The following ESRRG variants were observed in gnomAD, a reference collection of about 807,000 sequenced individuals.
The protein encoded by ESRRG is estrogen related receptor gamma, also known as estrogen-related receptor gamma.
Under a neutral mutation model 44.0 loss-of-function variants are expected in ESRRG, and 13 were observed. That is an observed-to-expected ratio of 0.30 (90% CI 0.19 to 0.47). The LOEUF is 0.47. Ranked by LOEUF, ESRRG falls within the 20% of genes least tolerant of loss-of-function variation. The pLI, the probability that ESRRG is intolerant of heterozygous loss-of-function variation, is 1.00. For synonymous variants in ESRRG, 215 were observed against 214.6 expected (o/e 1.00, Z -0.02); for missense variants, 395 against 580.6 (o/e 0.68, Z 3.29).
At chr1:216,966,243 T>C (rs2070340546) in intron 1 of ESRRG, among the ~76,000 whole-genome samples, 1 of 152,190 alleles carries the variant, frequency 6.6e-6, no homozygotes, top group Non-Finnish European at 1.5e-5. Flanking sequence ...AGAAATCTCA[T>C]CTTAAGGGAA....
chr1:216,833,390 A>G (rs926353502), intron 2 of ESRRG, among the ~76,000 whole-genome samples: 2 of 152,198 alleles, frequency 1.3e-5, no homozygotes, highest in African/African-American at 4.8e-5. Flanking sequence ...GGCTGTATGT[A>G]TTGTTACTAG....
chr1:216,983,031 G>GTTTTTTTTTTTTTTT (rs9308379), intron 1 of ESRRG, among the ~76,000 whole-genome samples: 2 of 133,030 alleles, frequency 1.5e-5, no homozygotes, highest in Non-Finnish European at 1.6e-5. Context: ...ACTTTGAACT[G>GTTTTTTTTTTTTTTT]TTTTTTTTTT....
At chr1:216,814,124 A>G (rs926326156) in intron 2 of ESRRG, among the ~76,000 whole-genome samples, 1 of 151,938 alleles carries the variant, frequency 6.6e-6, no homozygotes. Context: ...CATGGGAAAA[A>G]AAAAAATGAT....
chr1:217,068,214 TC>T (rs759123001), intron 1 of ESRRG, among the ~76,000 whole-genome samples: 1 of 152,124 alleles, frequency 6.6e-6, no homozygotes, highest in Non-Finnish European at 1.5e-5. Flanking sequence ...GTGATATGCA[TC>T]CTATGTGAGC....
chr1:216,921,398 C>T (rs2061829879), intron 2 of ESRRG, among the ~76,000 whole-genome samples: 1 of 152,186 alleles, frequency 6.6e-6, no homozygotes, highest in African/African-American at 2.4e-5. Flanking sequence ...ACTGCCAAGA[C>T]TCTGTCTAAA....
chr1:217,114,667 CTTTT>C (rs139701773), intron 1 of ESRRG, among the ~76,000 whole-genome samples: 4 of 107,228 alleles, frequency 3.7e-5, no homozygotes, highest in African/African-American at 3.7e-5. Flanking sequence ...CAAAAGATTT[CTTTT>C]TTTTTTTTTT....
At position 216,677,244 on chromosome 1, in the gene ESRRG, C is replaced by T. The variant is rs1321791080; in HGVS notation, c.304G>A (p.Asp102Asn). ...TCAACAATGGTGCTGGAGCAGTCATCATACAGTTTCCTGACAGGCCCACTA... is the reference window on the plus strand; with the variant it reads ...TCAACAATGGTGCTGGAGCAGTCATTATACAGTTTCCTGACAGGCCCACTA... ...GGSGPVRKLY[D>N]DCSSTIVEDP... The change falls in exon 2 of 7, where the codon GAT becomes AAT. Residue 102 changes from aspartate to asparagine, a missense_variant. This residue lies in a region of ESRRG where 148 missense variants were observed against 150.4 expected (regional missense o/e 0.98). Coordinates refer to ENST00000408911, the MANE Select transcript of ESRRG (RefSeq NM_001438.4). The T allele has an allele frequency of 1.2e-6, 2 of 1,614,158 alleles. No homozygotes were observed. The highest frequency in any genetic ancestry group is 3.3e-5 in the Admixed American group (2 of 60,024).
intron 1 of ESRRG, among the ~76,000 whole-genome samples, chr1:217,013,898 G>A (rs951811733): frequency 6.6e-6 from 1 of 152,068 alleles, no homozygotes; most frequent in Non-Finnish European, 1.5e-5. Context: ...AATATGATTT[G>A]ATGATCATGA....
chr1:216,655,966 A>G (rs867169026), intron 2 of ESRRG, among the ~76,000 whole-genome samples: 1 of 152,304 alleles, frequency 6.6e-6, no homozygotes, highest in South Asian at 2.1e-4. Flanking sequence ...TGCCCCAAGC[A>G]CCTGGGTAAC....
chr1:216,572,498 A>G (rs2060992332), intron 3 of ESRRG, among the ~76,000 whole-genome samples: 1 of 152,134 alleles, frequency 6.6e-6, no homozygotes, highest in Admixed American at 6.5e-5. Context: ...AGATAAAACA[A>G]TACTGTATAG....
intron 1 of ESRRG, among the ~76,000 whole-genome samples, chr1:216,984,046 AAT>A (rs1491582543): frequency 9.3e-6 from 1 of 107,594 alleles, no homozygotes; most frequent in Non-Finnish European, 1.9e-5. Context: ...AGATAATAAG[AAT>A]GGGGGGGGGT....
intron 2 of ESRRG, among the ~76,000 whole-genome samples, chr1:216,755,527 ATACTGTGGT>A (rs1417246141): frequency 6.6e-6 from 1 of 152,104 alleles, no homozygotes; most frequent in African/African-American, 2.4e-5. Flanking sequence ...ATAGCATATT[ATACTGTGGT>A]TGGTGAAAAT....
At chr1:217,037,997 C>A (rs1160986455) in intron 1 of ESRRG, among the ~76,000 whole-genome samples, 1 of 152,228 alleles carries the variant, frequency 6.6e-6, no homozygotes, top group African/African-American at 2.4e-5. Flanking sequence ...TAGTCTTGGG[C>A]AGCTCTGCCC....
chr1:217,074,108 C>T (rs948327698), intron 1 of ESRRG, among the ~76,000 whole-genome samples: 5 of 148,714 alleles, frequency 3.4e-5, no homozygotes, highest in African/African-American at 5.0e-5. Context: ...TGTGCAATGG[C>T]ACAATCTCGG....
chr1:217,093,738 G>A (rs965750201), upstream of ESRRG, among the ~76,000 whole-genome samples: 7 of 150,984 alleles, frequency 4.6e-5, no homozygotes, highest in South Asian at 2.1e-4. Flanking sequence ...AGCGGTGATC[G>A]CACCACTGCA....
intron 5 of ESRRG, among the ~76,000 whole-genome samples, chr1:216,540,511 A>G (rs530363861): frequency 1.6e-4 from 24 of 152,150 alleles, no homozygotes; most frequent in South Asian, 1.0e-3. Flanking sequence ...CAACTTCTCT[A>G]TATCAGTCAA....
At chr1:216,801,032 T>C (rs1453366339) in intron 2 of ESRRG, among the ~76,000 whole-genome samples, 1 of 152,202 alleles carries the variant, frequency 6.6e-6, no homozygotes, top group Non-Finnish European at 1.5e-5. Context: ...TGTTTTGATA[T>C]ACATATAGTG....
intron 6 of ESRRG, among the ~76,000 whole-genome samples, chr1:216,511,603 C>T (rs1437289157): frequency 1.7e-5 from 2 of 119,716 alleles, no homozygotes; most frequent in Non-Finnish European, 3.9e-5. Flanking sequence ...GTCTGCATCC[C>T]CAGCTCCGTA....
chr1:217,136,162 G>A (rs921460637), intron 1 of ESRRG, among the ~76,000 whole-genome samples: 33 of 152,172 alleles, frequency 2.2e-4, no homozygotes, highest in Non-Finnish European at 4.7e-4. Flanking sequence ...AGCTCCCAGG[G>A]AGGGTGGCTG....
Sources: allele counts gnomAD v4.1 joint callset (sites outside exome capture counted in the v4.1 genomes callset), GRCh38; gene constraint gnomAD v4.1.1; regional missense constraint gnomAD v4.1.1; transcripts MANE v1.5; gene names NCBI Gene and HGNC (gene_info 2026-07-23, HGNC 2026-07-21).